DOCK3: variants seen among roughly 807,000 people sequenced by gnomAD.
DOCK3 encodes dedicator of cytokinesis 3.
A neutral mutation model predicts 265.6 loss-of-function variants in DOCK3; 60 were observed. The ratio of observed to expected loss-of-function variants is 0.23; its 90% CI spans 0.18 to 0.28. The LOEUF (loss-of-function observed/expected upper bound fraction) is 0.28, where lower values mean the gene tolerates loss of function less well. DOCK3 is among the 10% of genes least tolerant of loss of function. The pLI is 1.00. For missense variants in DOCK3, 1,981 were observed against 2,594.3 expected, an observed-to-expected ratio of 0.76 and a Z score of 5.14; for synonymous variants, 881 against 938.0, an observed-to-expected ratio of 0.94 and a Z score of 1.11.
rs527484252 is a variant in DOCK3 at position 50,700,799 on chromosome 3, G to A, written c.37+25499G>A. 6.6e-5 allele frequency among the ~76,000 whole-genome samples: 10 copies of A among 152,162 alleles called. No individual in the cohort carries two copies. In the South Asian group the frequency reaches 1.9e-3, roughly 28 times the overall value. On this transcript the variant is annotated intron_variant, in intron 1 of 52. Transcript: ENST00000266037. ...TTTCCTTTCTTTTGGATAGATACTC[G>A]GTAGTGAGATTGCTAGACCATATGG...
intron 1 of DOCK3, among the ~76,000 whole-genome samples, chr3:50,736,499 T>C (rs1383457798): frequency 6.6e-6 from 1 of 152,186 alleles, no homozygotes. Context: ...ATGGTTGAAC[T>C]AGTTTACAGT....
chr3:51,047,827 C>T (rs1365921824), intron 5 of DOCK3, among the ~76,000 whole-genome samples: 1 of 152,188 alleles, frequency 6.6e-6, no homozygotes, highest in Non-Finnish European at 1.5e-5. Context: ...AGAATTAATC[C>T]AATCCTTGTT....
At chr3:50,676,676 T>C (rs972306749) in intron 1 of DOCK3, among the ~76,000 whole-genome samples, 1 of 148,506 alleles carries the variant, frequency 6.7e-6, no homozygotes, top group Non-Finnish European at 1.5e-5. Context: ...CACCCCATGA[T>C]TGATTTTTTT....
intron 5 of DOCK3, among the ~76,000 whole-genome samples, chr3:51,000,892 A>T (rs1017395075): frequency 1.3e-5 from 2 of 152,192 alleles, no homozygotes; most frequent in Non-Finnish European, 2.9e-5. Flanking sequence ...ACCTCAGGTG[A>T]TCCATCTGCC....
intron 27 of DOCK3, among the ~76,000 whole-genome samples, chr3:51,290,448 C>T (rs899305356): frequency 2.0e-5 from 3 of 152,066 alleles, no homozygotes; most frequent in Non-Finnish European, 2.9e-5. Context: ...GAAATCCAAA[C>T]ACCACATGTT....
intron 5 of DOCK3, among the ~76,000 whole-genome samples, chr3:51,059,269 G>A (rs1468531543): frequency 6.6e-6 from 1 of 152,066 alleles, no homozygotes; most frequent in Non-Finnish European, 1.5e-5. Flanking sequence ...CGAGGGCTTG[G>A]CCCTTATAAC....
intron 35 of DOCK3, 70 bp from the exon 36 acceptor site, chr3:51,338,289 T>G: frequency 1.3e-6 from 2 of 1,516,082 alleles, no homozygotes; most frequent in Non-Finnish European, 9.0e-7. Context: ...GCCCCAGTGA[T>G]AGTACAGTTC....
intron 3 of DOCK3, among the ~76,000 whole-genome samples, chr3:50,869,553 G>A (rs1313469899): frequency 1.3e-5 from 2 of 151,122 alleles, no homozygotes; most frequent in East Asian, 3.9e-4. Context: ...TGTGTTTTTG[G>A]TAGAGATGGG....
intron 5 of DOCK3, among the ~76,000 whole-genome samples, chr3:51,054,762 A>G (rs1018866902): frequency 1.3e-5 from 2 of 152,158 alleles, no homozygotes; most frequent in Non-Finnish European, 2.9e-5. Flanking sequence ...GCCTGCTTTT[A>G]ACTTCCAAAA....
At chr3:51,059,040 A>G (rs1370644308) in intron 5 of DOCK3, among the ~76,000 whole-genome samples, 1 of 152,154 alleles carries the variant, frequency 6.6e-6, no homozygotes, top group Admixed American at 6.5e-5. Context: ...GGTAGTGAAC[A>G]TAGTACCTAA....
chr3:51,276,554 C>A, intron 25 of DOCK3: 1 of 504,154 alleles, frequency 2.0e-6, no homozygotes, highest in Non-Finnish European at 2.6e-6. Flanking sequence ...ATGATCAGTT[C>A]GACAGATAGG....
At chr3:51,292,076 TAGAA>T (rs35850221) in intron 27 of DOCK3, among the ~76,000 whole-genome samples, 124,548 of 151,710 alleles carry the variant, frequency 0.82, 51,706 homozygotes, top group Middle Eastern at 0.9. Context: ...AAATTACATA[TAGAA>T]AGAATGTTCT....
chr3:50,982,378 T>A (rs1482789408), intron 5 of DOCK3, among the ~76,000 whole-genome samples: 2 of 152,090 alleles, frequency 1.3e-5, no homozygotes, highest in Admixed American at 1.3e-4. Context: ...TGGTTTTCTG[T>A]AGTAATGATG....
At chr3:50,987,339 GTAGT>G (rs1189636994) in intron 5 of DOCK3, among the ~76,000 whole-genome samples, 1 of 152,080 alleles carries the variant, frequency 6.6e-6, no homozygotes, top group Non-Finnish European at 1.5e-5. Flanking sequence ...GTGGTAGCTG[GTAGT>G]TAGTTATGTT....
intron 1 of DOCK3, among the ~76,000 whole-genome samples, chr3:50,691,784 G>T (rs1405795598): frequency 6.6e-6 from 1 of 152,026 alleles, no homozygotes. Flanking sequence ...TCTCATTGTG[G>T]TTTTGATTTG....
At chr3:51,288,284 C>G (rs1388710146) in intron 27 of DOCK3, among the ~76,000 whole-genome samples, 2 of 151,090 alleles carry the variant, frequency 1.3e-5, no homozygotes, top group Non-Finnish European at 2.9e-5. Context: ...CCCAGCTACT[C>G]AGGAGGCTGA....
chr3:51,076,460 A>T (rs573280685), intron 7 of DOCK3, among the ~76,000 whole-genome samples: 48 of 152,250 alleles, frequency 3.2e-4, no homozygotes, highest in Middle Eastern at 3.4e-3. Context: ...TATGAACAAG[A>T]CTTATCTATT....
intron 27 of DOCK3, among the ~76,000 whole-genome samples, chr3:51,283,634 C>T (rs2081256100): frequency 6.6e-6 from 1 of 152,234 alleles, no homozygotes; most frequent in Middle Eastern, 3.4e-3. Flanking sequence ...CTAGCCTGAG[C>T]AGCAGATTGG....
At chr3:51,335,247 AAAG>A (rs2084784041) in intron 35 of DOCK3, among the ~76,000 whole-genome samples, 1 of 152,080 alleles carries the variant, frequency 6.6e-6, no homozygotes, top group African/African-American at 2.4e-5. Context: ...TAAAAAAAAA[AAAG>A]AAAAAGCCAA....
Sources: allele counts gnomAD v4.1 joint callset (sites outside exome capture counted in the v4.1 genomes callset), GRCh38; gene constraint gnomAD v4.1.1; transcripts MANE v1.5; gene names NCBI Gene and HGNC (gene_info 2026-07-23, HGNC 2026-07-21).